DRD3: variants seen among roughly 807,000 people sequenced by gnomAD.
The protein encoded by DRD3 is D(3) dopamine receptor.
DRD3 carries 19 observed loss-of-function variants against 36.3 expected under a neutral mutation model. The ratio of observed to expected loss-of-function variants is 0.52; its 90% confidence interval spans 0.36 to 0.77. DRD3 has a LOEUF of 0.77. Among genes scored for constraint, DRD3 ranks in the 30% least tolerant of loss-of-function variants. The pLI is 0.00. For missense variants in DRD3, 465 were observed against 505.3 expected, an observed-to-expected ratio of 0.92 and a Z score of 0.77; for synonymous variants, 195 against 203.7, an observed-to-expected ratio of 0.96 and a Z score of 0.36.
chr3:114,180,653 A>C (rs994387484), upstream of DRD3, among the ~76,000 whole-genome samples: 1 of 152,160 alleles, frequency 6.6e-6, no homozygotes, highest in Non-Finnish European at 1.5e-5. Context: ...TGGCATCCCT[A>C]GCAAACTAAT....
At chr3:114,198,342 G>A (rs913379166) in intron 1 of DRD3, among the ~76,000 whole-genome samples, 12 of 151,738 alleles carry the variant, frequency 7.9e-5, no homozygotes, top group Admixed American at 2.0e-4. Flanking sequence ...TAATCCTCCC[G>A]CCTCACCTGG....
At chr3:114,132,053 T>A (rs1285395627) in intron 5 of DRD3, among the ~76,000 whole-genome samples, 1 of 152,196 alleles carries the variant, frequency 6.6e-6, no homozygotes, top group Non-Finnish European at 1.5e-5. Flanking sequence ...ATCCCATTAC[T>A]GGGTATATAT....
intron 2 of DRD3, among the ~76,000 whole-genome samples, chr3:114,168,139 A>C (rs572663928): frequency 1.6e-4 from 24 of 152,316 alleles, no homozygotes; most frequent in Non-Finnish European, 3.1e-4. Flanking sequence ...TTATAATTAA[A>C]AGTGTCTTAA....
intron 1 of DRD3, among the ~76,000 whole-genome samples, chr3:114,178,137 A>G (rs2077918904): frequency 6.6e-6 from 1 of 152,200 alleles, no homozygotes; most frequent in African/African-American, 2.4e-5. Flanking sequence ...TCATCAAAGG[A>G]AACATACACA....
chr3:114,153,573 G>T (rs1188467156), intron 3 of DRD3, among the ~76,000 whole-genome samples: 1 of 152,104 alleles, frequency 6.6e-6, no homozygotes, highest in African/African-American at 2.4e-5. Context: ...CCACTAAACA[G>T]ATAAGAGAAC....
rs113170080 is a variant in DRD3 at position 114,150,499 on chromosome 3, G to T, written c.384-2942C>A. On this transcript the variant is annotated intron_variant, in intron 3 of 6. Coordinates refer to ENST00000383673, the MANE Select transcript of DRD3 (RefSeq NM_000796.6). ...CAGGATCAAATCTTCTTACAACCTT[G>T]ATATTTTCCATAGGTCCTTGTACAA... Among the ~76,000 whole-genome samples, 195 of 152,278 alleles carry T rather than the reference G, an allele frequency of 1.3e-3. 2 individuals are homozygous for T. The highest frequency in any genetic ancestry group is 4.5e-3 in the African/African-American group (187 of 41,542).
chr3:114,131,954 TTGG>T (rs2077435262), intron 5 of DRD3, among the ~76,000 whole-genome samples: 1 of 152,286 alleles, frequency 6.6e-6, no homozygotes, highest in Admixed American at 6.5e-5. Flanking sequence ...TTTTACACTG[TTGG>T]TGGGAGTGTA....
chr3:114,150,597 G>C (rs1163221634), intron 3 of DRD3, among the ~76,000 whole-genome samples: 1 of 152,182 alleles, frequency 6.6e-6, no homozygotes, highest in Non-Finnish European at 1.5e-5. Context: ...AGAGGGGAAG[G>C]CTTCCTTCCC....
chr3:114,133,207 G>T (rs533611049), intron 5 of DRD3, among the ~76,000 whole-genome samples: 11 of 152,118 alleles, frequency 7.2e-5, no homozygotes, highest in African/African-American at 1.9e-4. Flanking sequence ...CAGGCTGGTC[G>T]CAAACTCCTG....
intron 4 of DRD3, among the ~76,000 whole-genome samples, chr3:114,143,363 G>A (rs913099220): frequency 5.3e-5 from 8 of 152,188 alleles, no homozygotes; most frequent in Middle Eastern, 3.2e-3. Flanking sequence ...GGATGATGAT[G>A]AAGAGTCATC....
intron 1 of DRD3, among the ~76,000 whole-genome samples, chr3:114,194,065 G>T (rs1232305533): frequency 1.3e-5 from 2 of 152,264 alleles, no homozygotes; most frequent in African/African-American, 4.8e-5. Flanking sequence ...TATGGTCAAG[G>T]TGTCAATCAG....
At chr3:114,130,621 T>TC (rs1279650552) in intron 6 of DRD3, among the ~76,000 whole-genome samples, 1 of 151,954 alleles carries the variant, frequency 6.6e-6, no homozygotes, top group Admixed American at 6.6e-5. Context: ...AGACGGGGTT[T>TC]ACCGTGTTAG....
intron 1 of DRD3, among the ~76,000 whole-genome samples, chr3:114,188,777 T>C (rs979432831): frequency 4.6e-5 from 7 of 152,176 alleles, no homozygotes; most frequent in African/African-American, 1.4e-4. Context: ...TGCTGACAGA[T>C]TTATTAGGAC....
intron 3 of DRD3, 112 bp from the exon 4 acceptor site, chr3:114,147,669 G>C (rs1395334754): frequency 7.7e-7 from 1 of 1,297,108 alleles, no homozygotes; most frequent in Non-Finnish European, 1.1e-6. Context: ...CTGTCACCCA[G>C]GCAGAAGTGC....
At chr3:114,176,945 T>A (rs904323752) in intron 1 of DRD3, among the ~76,000 whole-genome samples, 12 of 152,134 alleles carry the variant, frequency 7.9e-5, no homozygotes, top group African/African-American at 2.4e-4. Context: ...AAAAGGTGAG[T>A]CACAGAGAGG....
At chr3:114,145,564 C>T (rs1035183999) in intron 4 of DRD3, among the ~76,000 whole-genome samples, 4 of 152,170 alleles carry the variant, frequency 2.6e-5, no homozygotes, top group Admixed American at 6.5e-5. Context: ...GTAGGCGGTA[C>T]GTGCTTGGCA....
In DRD3 at chr3:114,194,997, C is replaced by T. The variant is rs1314307743; in HGVS notation, c.-156+4276G>A. Among the ~76,000 whole-genome samples, 4 of 152,208 alleles carry T rather than the reference C, an allele frequency of 2.6e-5. No individual in the cohort carries two copies. In the East Asian group the frequency reaches 5.8e-4, roughly 22 times the overall value. ...TCTGCTCTCAATTCATAGGAAATTC[C>T]CCCAGGCAGGTATCTTCAATCAGCT... On this transcript the variant is annotated intron_variant, in intron 1 of 7. Coordinates refer to the DRD3 transcript ENST00000460779.
At chr3:114,151,409 C>T (rs1038615567) in intron 3 of DRD3, among the ~76,000 whole-genome samples, 10 of 152,174 alleles carry the variant, frequency 6.6e-5, no homozygotes, top group African/African-American at 1.9e-4. Flanking sequence ...AAATGGCTAA[C>T]AACAGGCTCT....
At chr3:114,174,479 C>T (rs574792119) in intron 1 of DRD3, among the ~76,000 whole-genome samples, 3 of 152,308 alleles carry the variant, frequency 2.0e-5, no homozygotes, top group Admixed American at 6.5e-5. Flanking sequence ...TAGCTGAATG[C>T]CAGTGGCTAA....
Sources: gnomAD v4.1 joint callset for allele counts (sites outside exome capture counted in the v4.1 genomes callset) on GRCh38, gnomAD v4.1.1 for gene constraint, MANE v1.5 for transcripts, NCBI Gene and HGNC (gene_info 2026-07-23, HGNC 2026-07-21) for gene names.